Variants in ATRX observed in about 807,000 individuals in gnomAD.
ATRX encodes the protein chromatin remodeler ATRX.
A neutral mutation model predicts 172.6 loss-of-function variants in ATRX; 12 were observed. The ratio of observed to expected loss-of-function variants is 0.07; its 90% CI spans 0.04 to 0.11. The LOEUF (loss-of-function observed/expected upper bound fraction) is 0.11. Ranked by LOEUF, ATRX falls within the 10% of genes least tolerant of loss-of-function variation. ATRX has a pLI of 1.00. For synonymous variants in ATRX, 674 were observed against 594.7 expected, an observed-to-expected ratio of 1.13 and a Z score of -1.94; for missense variants, 1,368 against 1,767.4, an observed-to-expected ratio of 0.77 and a Z score of 4.05.
Position 77,682,290 on chromosome X carries a change from G to A in ATRX, c.2966C>T (p.Thr989Ile), listed in dbSNP as rs2148584588. 1 of 1,198,889 alleles carries A rather than the reference G, an allele frequency of 8.3e-7. No homozygotes were observed. Among genetic ancestry groups the A allele is most frequent in the Admixed American group, 2.3e-5 (1 of 43,126 alleles). The change falls in exon 9 of 35, where the codon ACT becomes ATT. Residue 989 changes from threonine to isoleucine, a missense_variant. Thr to Ile is a moderately conservative substitution (Grantham distance 89). This residue lies in a region of ATRX where 843 missense variants were observed against 643.1 expected (regional missense o/e 1.31). Transcript: ENST00000373344. Reference sequence around the variant, plus strand: ...GTCTGAAGGTTTCTTTTTTTCTTCAGTTCCCTTTTTGCTCTGCTTTTTATC... The same window carrying A: ...GTCTGAAGGTTTCTTTTTTTCTTCAATTCCCTTTTTGCTCTGCTTTTTATC... ...EDDKKQSKKGTEEKKKPSDFK... is the reference protein window; with the variant it reads ...EDDKKQSKKGIEEKKKPSDFK...
intron 9 of ATRX, among the ~76,000 whole-genome samples, chrX:77,680,257 T>G (rs2071113242): frequency 8.9e-6 from 1 of 111,912 alleles, no homozygotes; most frequent in East Asian, 2.8e-4. Flanking sequence ...AACTGTGAAC[T>G]TGAAGTTACA....
At chrX:77,766,992 C>G (rs1364898731) in intron 1 of ATRX, among the ~76,000 whole-genome samples, 1 of 112,311 alleles carries the variant, frequency 8.9e-6, no homozygotes, top group East Asian at 2.8e-4. Flanking sequence ...CCGAGGCTGG[C>G]GGATCACTCG....
intron 15 of ATRX, among the ~76,000 whole-genome samples, chrX:77,646,716 T>C (rs2068935628): frequency 9.1e-6 from 1 of 109,935 alleles, no homozygotes; most frequent in South Asian, 3.9e-4. Context: ...AGGCCAGGAG[T>C]TGGAGACCAA....
intron 22 of ATRX, among the ~76,000 whole-genome samples, chrX:77,611,249 T>C: frequency 9.0e-6 from 1 of 111,598 alleles, no homozygotes; most frequent in African/African-American, 3.2e-5. Flanking sequence ...TATAAATCTC[T>C]GCATACATTT....
chrX:77,518,046 GACT>G (rs1557039771), intron 34 of ATRX, among the ~76,000 whole-genome samples: 1 of 111,893 alleles, frequency 8.9e-6, no homozygotes, highest in East Asian at 2.8e-4. Flanking sequence ...TATATTGACA[GACT>G]CACAGCCAGT....
At chrX:77,614,137 C>A (rs45516196) in intron 22 of ATRX, among the ~76,000 whole-genome samples, 2,619 of 111,659 alleles carry the variant, frequency 0.023, 73 homozygotes, top group African/African-American at 0.082. Flanking sequence ...TTAAAAGTAA[C>A]CACAGTCTAA....
chrX:77,703,779 G>C (rs1462055286), intron 2 of ATRX, among the ~76,000 whole-genome samples: 6 of 111,936 alleles, frequency 5.4e-5, no homozygotes, highest in African/African-American at 1.9e-4. Flanking sequence ...GATAAAGAGG[G>C]GCTTTATTGA....
chrX:77,597,694 G>A (rs1375774166), intron 25 of ATRX, among the ~76,000 whole-genome samples: 1 of 111,922 alleles, frequency 8.9e-6, no homozygotes, highest in Non-Finnish European at 1.9e-5. Flanking sequence ...CATGAAAAAT[G>A]CTCATCATCA....
rs782630212 is a variant in ATRX, at chrX:77,523,442, C to T, written c.6700-41G>A. 6.9e-6 allele frequency: 8 copies of T among 1,159,773 alleles called. No homozygotes were observed. The South Asian group carries it at 1.3e-4, about 18-fold the overall frequency. ...GAAATAAGAGACAATTATTTTTCCC[C>T]TCTGGACAGTATAATATCTCCATAG... On this transcript the variant is annotated intron_variant, in intron 30 of 34. Transcript: ENST00000373344.
chrX:77,783,954 A>G (rs1557206586), intron 1 of ATRX, among the ~76,000 whole-genome samples: 1 of 112,593 alleles, frequency 8.9e-6, no homozygotes, highest in African/African-American at 3.2e-5. Context: ...ACACCTGGAC[A>G]CAAAAAATGT....
intron 22 of ATRX, among the ~76,000 whole-genome samples, chrX:77,603,254 T>C (rs2066748248): frequency 8.9e-6 from 1 of 111,861 alleles, no homozygotes; most frequent in Non-Finnish European, 1.9e-5. Flanking sequence ...TGGTTCCATA[T>C]GACTTTTAGG....
chrX:77,759,117 T>C (rs2075622160), intron 1 of ATRX, among the ~76,000 whole-genome samples: 2 of 112,116 alleles, frequency 1.8e-5, no homozygotes, highest in African/African-American at 6.5e-5. Flanking sequence ...TAAGCTGACA[T>C]TTTATATTCA....
At chrX:77,509,411 G>A (rs369141289) in intron 34 of ATRX, among the ~76,000 whole-genome samples, 2 of 111,799 alleles carry the variant, frequency 1.8e-5, no homozygotes, top group East Asian at 2.8e-4. Flanking sequence ...CGTCCTCCCC[G>A]AAGGAACAGC....
In ATRX at chrX:77,682,032, T is replaced by A; in HGVS notation, c.3224A>T (p.Asp1075Val). The A allele has an allele frequency of 8.3e-7, 1 of 1,210,871 alleles. No homozygotes were observed. The highest frequency in any genetic ancestry group is 1.1e-6 in the Non-Finnish European group (1 of 894,942). ...CTTACTCTTTTTATCCTCTGAAGAG[T>A]CACAACTATCTCCTTTCCCTGTTGA... The part of the protein sequence containing the change: ...EKSTGKGDSC[D>V]SSEDKKSKNG... Residue 1075 changes from aspartate (D) to valine (V), a missense_variant, in exon 9 of 35, where the codon GAC becomes GTC. Asp to Val is a radical substitution (Grantham distance 152). This residue lies in a region of ATRX where 843 missense variants were observed against 643.1 expected (regional missense o/e 1.31). Transcript: ENST00000373344.
rs1193573272 is a variant in ATRX at position 77,507,589 on chromosome X, AC to A, written c.*761del. On this transcript the variant is annotated 3_prime_UTR_variant, in exon 35 of 35. Transcript: ENST00000373344. ...ATTCATGTGTGGAAGATAATCCACA[AC>A]CCTGAAATTTTACCAGTAATTATTT... is the stretch of plus-strand genomic sequence containing the variant. 1 of 173,891 alleles carries A rather than the reference AC, an allele frequency of 5.8e-6. No individual in the cohort carries two copies. The highest frequency in any genetic ancestry group is 2.9e-5 in the African/African-American group (1 of 33,907). 14.3% of individuals were successfully genotyped at this position (173,891 alleles called of 1,213,427 possible). A position where few individuals can be genotyped will look rare whatever the true frequency, so the allele number is the denominator to read the frequency against.
At chrX:77,534,458 A>G (rs941664584) in intron 30 of ATRX, among the ~76,000 whole-genome samples, 7 of 111,948 alleles carry the variant, frequency 6.3e-5, no homozygotes, top group African/African-American at 2.3e-4. Context: ...AATACACAAC[A>G]CAACTGGTGG....
intron 10 of ATRX, 88 bp downstream of exon 10, chrX:77,676,137 CA>C: frequency 1.1e-6 from 1 of 921,758 alleles, no homozygotes; most frequent in Middle Eastern, 2.8e-4. Context: ...CTGGTTTTTA[CA>C]ACCTGCTTGC....
chrX:77,556,535 G>A (rs1187618168), intron 30 of ATRX, among the ~76,000 whole-genome samples: 4 of 110,749 alleles, frequency 3.6e-5, no homozygotes, highest in Non-Finnish European at 7.6e-5. Context: ...AGCTTCCTGA[G>A]ATAATGTATA....
At chrX:77,516,171 G>A (rs782285539) in intron 34 of ATRX, among the ~76,000 whole-genome samples, 12 of 111,387 alleles carry the variant, frequency 1.1e-4, no homozygotes, top group African/African-American at 3.3e-4. Context: ...CAACAAACCC[G>A]TGACACAGAT....
Sources: gnomAD v4.1 joint callset for allele counts (sites outside exome capture counted in the v4.1 genomes callset) on GRCh38, gnomAD v4.1.1 for gene constraint, gnomAD v4.1.1 regional missense constraint, MANE v1.5 for transcripts, NCBI Gene and HGNC (gene_info 2026-07-23, HGNC 2026-07-21) for gene names.